SH3TC1: variants seen among roughly 807,000 people sequenced by gnomAD.
SH3TC1 encodes SH3 domain and tetratricopeptide repeat-containing protein 1.
A neutral mutation model predicts 117.3 loss-of-function variants in SH3TC1; 135 were observed. That is an observed-to-expected ratio of 1.15 (90% CI 1.00 to 1.33). SH3TC1 has a LOEUF of 1.33. Among genes scored for constraint, SH3TC1 ranks in the 40% most tolerant of loss-of-function variants. The pLI is 0.00. For missense variants in SH3TC1, 2,092 were observed against 1,794.3 expected, an observed-to-expected ratio of 1.17 and a Z score of -3.00; for synonymous variants, 898 against 816.9, an observed-to-expected ratio of 1.10 and a Z score of -1.69.
Position 8,217,179 on chromosome 4 carries a change from C to T in SH3TC1, c.839+12C>T. 2 of 1,590,858 alleles carry T rather than the reference C, an allele frequency of 1.3e-6. No homozygotes were observed. Among genetic ancestry groups the T allele is most frequent in the South Asian group, 1.1e-5 (1 of 88,332 alleles). On this transcript the variant is annotated intron_variant, in intron 7 of 17. Coordinates refer to ENST00000245105, the MANE Select transcript of SH3TC1 (RefSeq NM_018986.5). ...ATTCCATTTCATCAGTAGGTACCGG[C>T]CTTTGCTGCTCTGAGAGCTGTTGGC...
intron 3 of SH3TC1, among the ~76,000 whole-genome samples, chr4:8,211,989 T>C (rs1358012460): frequency 6.6e-6 from 1 of 151,654 alleles, no homozygotes; most frequent in Non-Finnish European, 1.5e-5. Context: ...TGTGGACAGC[T>C]GCCCAGGTCA....
chr4:8,195,970 G>A (rs536421314), upstream of SH3TC1, among the ~76,000 whole-genome samples: 6 of 152,320 alleles, frequency 3.9e-5, no homozygotes, highest in African/African-American at 1.2e-4. Context: ...TGGGGGTGAC[G>A]AGGCCAGGGC....
At chr4:8,199,784 C>G (rs1381225339) in intron 1 of SH3TC1, among the ~76,000 whole-genome samples, 1 of 152,318 alleles carries the variant, frequency 6.6e-6, no homozygotes, top group Admixed American at 6.5e-5. Flanking sequence ...GTGACCCCAG[C>G]GCCCGGTTAG....
Position 8,227,485 on chromosome 4 carries a change from G to C in SH3TC1, c.1791G>C (p.Leu597=). 1.3e-6 allele frequency: 2 copies of C among 1,564,246 alleles called. No individual in the cohort carries two copies. The highest frequency in any genetic ancestry group is 1.7e-6 in the Non-Finnish European group (2 of 1,161,104). ...LGALEGSFGD[L]FLVVAVYANL... is the part of the protein sequence containing the mutation. Reference sequence around the variant, plus strand: ...CCCTGGAGGGCAGCTTCGGGGACCTGTTCCTAGTGGTGGCTGTGTACGCCA... The same window carrying C: ...CCCTGGAGGGCAGCTTCGGGGACCTCTTCCTAGTGGTGGCTGTGTACGCCA... The change falls in exon 12 of 18, where the codon CTG becomes CTC. Residue 597 remains leucine (L), a synonymous_variant. Coordinates refer to ENST00000245105, the MANE Select transcript of SH3TC1 (RefSeq NM_018986.5).
At chr4:8,182,806 C>G (rs916178054) in intron 1 of SH3TC1, among the ~76,000 whole-genome samples, 10 of 152,170 alleles carry the variant, frequency 6.6e-5, no homozygotes, top group Admixed American at 4.6e-4. Flanking sequence ...TCATGCTGCC[C>G]CTGCCCTCCT....
intron 1 of SH3TC1, among the ~76,000 whole-genome samples, chr4:8,188,569 G>A (rs1717301102): frequency 6.6e-6 from 1 of 152,232 alleles, no homozygotes; most frequent in Non-Finnish European, 1.5e-5. Context: ...GCCAGTGGGG[G>A]AGTTTCCCGG....
chr4:8,191,017 G>C (rs1163517120), intron 1 of SH3TC1, among the ~76,000 whole-genome samples: 1 of 152,146 alleles, frequency 6.6e-6, no homozygotes. Context: ...GGACTGGCGG[G>C]AGCTGCAGGG....
chr4:8,233,257 G>T lies in SH3TC1; in HGVS notation c.3132-106G>T, dbSNP rs137998780. 2.4e-5 allele frequency: 36 copies of T among 1,482,308 alleles called. No homozygotes were observed. In the African/African-American group the frequency reaches 4.6e-4, roughly 19 times the overall value. 91.8% of individuals were successfully genotyped at this position (1,482,308 alleles called of 1,614,324 possible). On this transcript the variant is annotated intron_variant, in intron 13 of 17. Coordinates refer to ENST00000245105, the MANE Select transcript of SH3TC1 (RefSeq NM_018986.5). ...AGGACACTGCACACACAAGAGGGCC[G>T]TTCCCAGTCCCATTCCAGATTCATC...
rs1340887782 is a variant in SH3TC1 at position 8,187,568 on chromosome 4, T to C, written c.-57+5358T>C. Among the ~76,000 whole-genome samples the C allele has an allele frequency of 4.0e-5, 6 of 151,604 alleles. No homozygotes were observed. The East Asian group carries it at 1.2e-3, about 29-fold the overall frequency. On this transcript the variant is annotated intron_variant, in intron 1 of 16. Transcript: ENST00000508641. ...TCTTTTCTTTTCTTTTTTTTTTTTT[T>C]TGGAGATGGAGTCTTGCTCTATCAC...
At position 8,222,863 on chromosome 4, in the gene SH3TC1, A is replaced by G. The variant is rs570241370; in HGVS notation, c.1136A>G (p.Asn379Ser). 7.3e-5 allele frequency: 118 copies of G among 1,612,734 alleles called. No homozygotes were observed. The South Asian group carries it at 1.2e-3, about 17-fold the overall frequency. The change falls in exon 10 of 18, where the codon AAT becomes AGT. Residue 379 changes from asparagine to serine, a missense_variant. Coordinates refer to ENST00000245105, the MANE Select transcript of SH3TC1 (RefSeq NM_018986.5). ...VSELESAIFL[N>S]EEEKSFFSEG... is the part of the protein sequence containing the mutation. ...AGGTTGGAAAGTGCGATTTTTCTCAATGAGGAAGAAAAGTCATTCTTCAGC... is the reference window on the plus strand; with the variant it reads ...AGGTTGGAAAGTGCGATTTTTCTCAGTGAGGAAGAAAAGTCATTCTTCAGC...
chr4:8,232,672 T>A (rs1302534989), intron 13 of SH3TC1: 2 of 1,292,020 alleles, frequency 1.5e-6, no homozygotes, highest in Admixed American at 2.3e-5. Context: ...CCTGACCTGG[T>A]GGGGTAACCA....
At chr4:8,236,019 G>T in intron 15 of SH3TC1, 1 of 515,746 alleles carries the variant, frequency 1.9e-6, no homozygotes, top group Non-Finnish European at 3.4e-6. Context: ...AGGAGTGCAG[G>T]CTCCCCCCAG....
Position 8,205,240 on chromosome 4 carries a change from G to T in SH3TC1, c.46G>T (p.Gly16Trp). The change falls in exon 2 of 18, where the codon GGG (glycine) becomes TGG (tryptophan). Residue 16 changes from glycine (G) to tryptophan (W), a missense_variant. Physicochemically the swap from Gly to Trp is radical, Grantham distance 184. Coordinates refer to ENST00000245105, the MANE Select transcript of SH3TC1 (RefSeq NM_018986.5). This position sits in a 1 kb window ranked among gnomAD's most constrained non-coding sequence, Gnocchi z 5.4. ...AVTTEEPTPM[G>W]RGPVGPSGGG... Reference sequence around the variant, plus strand: ...GACCACTGAGGAGCCGACCCCCATGGGGAGGGGTCCTGTGGGACCCTCAGG... The same window carrying T: ...GACCACTGAGGAGCCGACCCCCATGTGGAGGGGTCCTGTGGGACCCTCAGG... 6.5e-7 allele frequency: 1 copy of T among 1,549,890 alleles called. No individual in the cohort carries two copies. The highest frequency in any genetic ancestry group is 8.7e-7 in the Non-Finnish European group (1 of 1,146,998).
rs559312633 is a variant in SH3TC1 at position 8,217,272 on chromosome 4, C to T, written c.839+105C>T. 7.4e-5 allele frequency: 101 copies of T among 1,367,800 alleles called. No individual in the cohort carries two copies. In the Middle Eastern group the frequency reaches 1.2e-3, roughly 17 times the overall value. The allele number at this position is 1,367,800 out of a possible 1,614,324, so 84.7% of individuals were successfully genotyped here. ...GATGGACAGGGAATGGTGGGGGCCC[C>T]GGACAGACCTGGCCATGGCCTTGTT... On this transcript the variant is annotated intron_variant, in intron 7 of 17. Coordinates refer to ENST00000245105, the MANE Select transcript of SH3TC1 (RefSeq NM_018986.5).
chr4:8,195,427 A>G (rs1427271439), upstream of SH3TC1, among the ~76,000 whole-genome samples: 2 of 152,218 alleles, frequency 1.3e-5, no homozygotes, highest in Admixed American at 1.3e-4. Flanking sequence ...CGTGCTTGGA[A>G]AGCCCCCAGC....
intron 13 of SH3TC1, 112 bp from the exon 14 acceptor site, chr4:8,233,251 A>AAGG: frequency 6.8e-7 from 1 of 1,472,552 alleles, no homozygotes; most frequent in Non-Finnish European, 9.0e-7. Context: ...CACACACAAG[A>AAGG]GGGCCGTTCC....
rs2152990480 is a variant in SH3TC1, at chr4:8,225,469, G to A, written c.1285+253G>A. Among the ~76,000 whole-genome samples the A allele has an allele frequency of 6.6e-6, 1 of 152,282 alleles. No individual in the cohort carries two copies. Among genetic ancestry groups the A allele is most frequent in the South Asian group, 2.1e-4 (1 of 4,826 alleles). On this transcript the variant is annotated intron_variant, in intron 11 of 17. Transcript: ENST00000245105. The surrounding 1 kb of genome is among the most constrained non-coding windows in gnomAD (Gnocchi z 5.5). ...CCCCGCCTGGTCCCCGCCCAAGATG[G>A]AGCATCCTTTCCACTGCTTGGGTCC... is the stretch of plus-strand genomic sequence containing the variant.
At chr4:8,188,116 G>A (rs1013204857) in intron 1 of SH3TC1, among the ~76,000 whole-genome samples, 2 of 152,174 alleles carry the variant, frequency 1.3e-5, no homozygotes, top group Admixed American at 6.5e-5. Flanking sequence ...AATATTTCAC[G>A]TGTGGAGGCT....
At chr4:8,217,222 G>T in intron 7 of SH3TC1, 55 bp downstream of exon 7, 1 of 1,547,972 alleles carries the variant, frequency 6.5e-7, no homozygotes. Flanking sequence ...AGACTCCCAG[G>T]CCCGGGTCAT....
Sources: gnomAD v4.1 joint callset for allele counts (sites outside exome capture counted in the v4.1 genomes callset) on GRCh38, gnomAD v4.1.1 for gene constraint, Gnocchi (gnomAD v3.1) non-coding constraint, MANE v1.5 for transcripts, NCBI Gene and HGNC (gene_info 2026-07-23, HGNC 2026-07-21) for gene names.